The following PPP5C variants were observed in gnomAD, a reference collection of about 807,000 sequenced individuals.
The protein encoded by PPP5C is protein phosphatase 5 catalytic subunit.
Under a neutral mutation model 66.7 loss-of-function variants are expected in PPP5C, and 21 were observed. The observed-to-expected ratio is 0.31, with a 90% CI of 0.22 to 0.45. The LOEUF (loss-of-function observed/expected upper bound fraction) is 0.45. PPP5C is among the 20% of genes least tolerant of loss of function. The pLI, the probability that PPP5C is intolerant of heterozygous loss-of-function variation, is 1.00. For synonymous variants in PPP5C, 246 were observed against 257.4 expected (o/e 0.96, Z 0.43); for missense variants, 464 against 675.9 (o/e 0.69, Z 3.48).
chr19:46,390,398 C>A lies in PPP5C; in HGVS notation c.*52C>A. On this transcript the variant is annotated 3_prime_UTR_variant, in exon 13 of 13. Transcript: ENST00000012443. ...CAGGGCCCCTCCAATCCCACCGGACCCAGGCCCTGGGCTAGGGGCAGAGCA... is the reference window on the plus strand; with the variant it reads ...CAGGGCCCCTCCAATCCCACCGGACACAGGCCCTGGGCTAGGGGCAGAGCA... 6 of 1,551,392 alleles carry A rather than the reference C, an allele frequency of 3.9e-6. No individual in the cohort carries two copies. Among genetic ancestry groups the A allele is most frequent in the Middle Eastern group, 1.7e-4 (1 of 5,764 alleles).
chr19:46,388,657 C>T lies in PPP5C; in HGVS notation c.1281C>T (p.His427=), dbSNP rs149277009. 3.3e-3 allele frequency: 5,261 copies of T among 1,614,198 alleles called. 145 individuals are homozygous for T. The South Asian group carries it at 0.047, about 14-fold the overall frequency. Reference sequence around the variant, plus strand: ...ACCTGGACTATATCATCCGCAGCCACGAAGTCAAGGCCGAGGGCTACGAGG... The same window carrying T: ...ACCTGGACTATATCATCCGCAGCCATGAAGTCAAGGCCGAGGGCTACGAGG... The part of the protein sequence containing the change: ...ENNLDYIIRS[H]EVKAEGYEVA... The change falls in exon 11 of 13, where the codon CAC becomes CAT. Residue 427 remains histidine (H), a synonymous_variant. Transcript: ENST00000012443. The surrounding 1 kb of genome is among the most constrained non-coding windows in gnomAD (Gnocchi z 4.9).
intron 11 of PPP5C, among the ~76,000 whole-genome samples, chr19:46,389,460 CAG>C (rs1555795165): frequency 3.3e-5 from 4 of 120,740 alleles, no homozygotes; most frequent in African/African-American, 1.4e-4. Context: ...CACACACACA[CAG>C]TGTTGATCCC....
In PPP5C at chr19:46,384,922, G is replaced by A; in HGVS notation, c.904+13G>A. On this transcript the variant is annotated intron_variant, in intron 7 of 12. Coordinates refer to ENST00000012443, the MANE Select transcript of PPP5C (RefSeq NM_006247.4). Reference sequence around the variant, plus strand: ...CACCTCCTTCGAGGTGAGCTGGGAAGTGACAAGGTTTGGGTTCATTGTGGG... The same window carrying A: ...CACCTCCTTCGAGGTGAGCTGGGAAATGACAAGGTTTGGGTTCATTGTGGG... The A allele has an allele frequency of 6.9e-6, 11 of 1,603,196 alleles. No individual in the cohort carries two copies. The highest frequency in any genetic ancestry group is 1.1e-5 in the South Asian group (1 of 90,854).
At position 46,383,842 on chromosome 19, in the gene PPP5C, C is replaced by T. The variant is rs761049173; in HGVS notation, c.762C>T (p.Phe254=). The change falls in exon 6 of 13, where the codon TTC becomes TTT. Residue 254 remains phenylalanine (F), a synonymous_variant. Coordinates refer to ENST00000012443, the MANE Select transcript of PPP5C (RefSeq NM_006247.4). The surrounding 1 kb of genome is among the most constrained non-coding windows in gnomAD (Gnocchi z 5.0). ...AGTTCTATGACCTCCTCAACATATTCGAGCTCAACGGTTTACCCTCGGAGA... is the reference window on the plus strand; with the variant it reads ...AGTTCTATGACCTCCTCAACATATTTGAGCTCAACGGTTTACCCTCGGAGA... The part of the protein sequence containing the change: ...HGQFYDLLNI[F]ELNGLPSETN... 22 of 1,613,884 alleles carry T rather than the reference C, an allele frequency of 1.4e-5. 1 individual carries two copies. The South Asian group carries it at 2.2e-4, about 16-fold the overall frequency.
chr19:46,363,728 C>T (rs540731293), intron 2 of PPP5C, among the ~76,000 whole-genome samples: 2 of 152,242 alleles, frequency 1.3e-5, no homozygotes, highest in East Asian at 3.9e-4. Flanking sequence ...TGCACCTGGC[C>T]TCGGTTTACC....
Position 46,387,446 on chromosome 19 carries a change from A to G in PPP5C, c.1128A>G (p.Pro376=), listed in dbSNP as rs1420441655. The change falls in exon 9 of 13, where the codon CCA becomes CCG. Residue 376 remains proline, a synonymous_variant. Coordinates refer to ENST00000012443, the MANE Select transcript of PPP5C (RefSeq NM_006247.4). ...IRKIERNRQP[P]DSGPMCDLLW... Reference sequence around the variant, plus strand: ...AAATTGAGCGGAATCGACAACCCCCAGATTCAGGTGAGCAGCGCGGGGCCA... The same window carrying G: ...AAATTGAGCGGAATCGACAACCCCCGGATTCAGGTGAGCAGCGCGGGGCCA... 2 of 1,613,790 alleles carry G rather than the reference A, an allele frequency of 1.2e-6. No individual in the cohort carries two copies. Among genetic ancestry groups the G allele is most frequent in the African/African-American group, 1.3e-5 (1 of 74,928 alleles).
Position 46,388,873 on chromosome 19 carries a change from C to A in PPP5C, c.1355+142C>A. 2 of 1,056,882 alleles carry A rather than the reference C, an allele frequency of 1.9e-6. No individual in the cohort carries two copies. Among genetic ancestry groups the A allele is most frequent in the African/African-American group, 1.6e-5 (1 of 63,102 alleles). The allele number at this position is 1,056,882 out of a possible 1,614,324, so 65.5% of individuals were successfully genotyped here. On this transcript the variant is annotated intron_variant, in intron 11 of 12. Transcript: ENST00000012443. The surrounding 1 kb of genome is among the most constrained non-coding windows in gnomAD (Gnocchi z 4.9). ...ACATGACGAACACCCCCGTATGTGT[C>A]ACCCACCCATGCAGCACCAGTGGGG...
At chr19:46,363,470 G>A (rs1264766785) in intron 2 of PPP5C, among the ~76,000 whole-genome samples, 2 of 149,332 alleles carry the variant, frequency 1.3e-5, no homozygotes, top group African/African-American at 2.5e-5. Context: ...TCACTCTGTC[G>A]CCAGGCTGGA....
intron 1 of PPP5C, among the ~76,000 whole-genome samples, chr19:46,352,162 C>T (rs1200335657): frequency 6.6e-6 from 1 of 152,174 alleles, no homozygotes; most frequent in Non-Finnish European, 1.5e-5. Context: ...TCCGAGCTGC[C>T]CCAACCCTAA....
At chr19:46,358,377 C>T (rs1568566046) in intron 2 of PPP5C, among the ~76,000 whole-genome samples, 1 of 152,164 alleles carries the variant, frequency 6.6e-6, no homozygotes, top group African/African-American at 2.4e-5. Context: ...TTTCCAAAAG[C>T]AGGCGTGATC....
chr19:46,361,131 T>A (rs555812400), intron 2 of PPP5C, among the ~76,000 whole-genome samples: 2,272 of 142,374 alleles, frequency 0.016, 79 homozygotes, highest in African/African-American at 0.056. Flanking sequence ...GAAAGAAAAT[T>A]TTTTTTTTTT....
chr19:46,389,976 C>T, intron 11 of PPP5C, 75 bp from the exon 12 acceptor site: 2 of 1,369,430 alleles, frequency 1.5e-6, no homozygotes, highest in South Asian at 1.2e-5. Flanking sequence ...CCTTCTTGCC[C>T]AGCCATTCCT....
At chr19:46,362,028 A>G (rs1696663593) in intron 2 of PPP5C, among the ~76,000 whole-genome samples, 1 of 151,998 alleles carries the variant, frequency 6.6e-6, no homozygotes. Context: ...CTTCAATTTA[A>G]TACAACCTTT....
intron 2 of PPP5C, 69 bp from the exon 3 acceptor site, chr19:46,375,533 TGG>T (rs1972677068): frequency 6.3e-7 from 1 of 1,577,986 alleles, no homozygotes; most frequent in Non-Finnish European, 8.6e-7. Context: ...AACCCAGGGC[TGG>T]GCAGCCTGGG....
intron 4 of PPP5C, among the ~76,000 whole-genome samples, chr19:46,379,563 T>C (rs1972754665): frequency 6.6e-6 from 1 of 152,282 alleles, no homozygotes; most frequent in Admixed American, 6.5e-5. Flanking sequence ...CATTTCAATC[T>C]ACTGTCTAGA....
rs553007334 is a variant in PPP5C at position 46,371,692 on chromosome 19, G to A, written c.364-3912G>A. ...ATACAGAGAATGCTGGGTATGACTT[G>A]CCAAACTCATTCACCAGAAACTAAC... On this transcript the variant is annotated intron_variant, in intron 2 of 12. Transcript: ENST00000012443. Among the ~76,000 whole-genome samples the A allele has an allele frequency of 2.0e-5, 3 of 152,284 alleles. No individual in the cohort carries two copies. In the South Asian group the frequency reaches 6.2e-4, roughly 32 times the overall value.
rs1568580700 is a variant in PPP5C, at chr19:46,390,321, C to CT, written c.1475_1476insT (p.Leu493AlafsTer10). On this transcript the variant is annotated frameshift_variant, in exon 13 of 13. Transcript: ENST00000012443. LOFTEE classifies it high-confidence loss of function. The stretch of plus-strand genomic sequence containing the variant: ...GTCAAGCCCATGGCCTATGCCAACA[C>CT]GCTGCTGCAGCTAGGAATGATGTGA... The CT allele has an allele frequency of 6.3e-7, 1 of 1,584,548 alleles. No homozygotes were observed. Among genetic ancestry groups the CT allele is most frequent in the Admixed American group, 1.8e-5 (1 of 55,006 alleles).
chr19:46,390,636 T>G lies in PPP5C; in HGVS notation c.*290T>G, dbSNP rs1234729372. ...GTCCTCGGGGTGGGGTGGGGCCGAG[T>G]GGCTGCCCTGCCCCCCTCATTTGCA... On this transcript the variant is annotated 3_prime_UTR_variant, in exon 13 of 13. Coordinates refer to ENST00000012443, the MANE Select transcript of PPP5C (RefSeq NM_006247.4). 3 of 1,290,418 alleles carry G rather than the reference T, an allele frequency of 2.3e-6. No individual in the cohort carries two copies. The highest frequency in any genetic ancestry group is 3.0e-6 in the Non-Finnish European group (3 of 1,007,504). The allele number at this position is 1,290,418 out of a possible 1,614,324, so 79.9% of individuals were successfully genotyped here.
chr19:46,354,268 G>A (rs1247341698), intron 2 of PPP5C, among the ~76,000 whole-genome samples: 1 of 152,192 alleles, frequency 6.6e-6, no homozygotes, highest in Admixed American at 6.5e-5. Flanking sequence ...CAAGGGTAGC[G>A]GTGAGGAAAA....
Sources: allele counts gnomAD v4.1 joint callset (sites outside exome capture counted in the v4.1 genomes callset), GRCh38; gene constraint gnomAD v4.1.1; non-coding constraint Gnocchi (gnomAD v3.1); transcripts MANE v1.5; gene names NCBI Gene and HGNC (gene_info 2026-07-23, HGNC 2026-07-21).